Variants in LSAMP observed in about 807,000 individuals in gnomAD.
LSAMP encodes limbic system associated membrane protein.
A neutral mutation model predicts 38.6 loss-of-function variants in LSAMP; 7 were observed. The observed-to-expected ratio is 0.18, with a 90% CI of 0.10 to 0.34. The LOEUF is 0.34. LSAMP is among the 10% of genes least tolerant of loss of function. The pLI is 1.00. For missense variants in LSAMP, 313 were observed against 420.0 expected (o/e 0.75, Z 2.23); for synonymous variants, 154 against 166.8 (o/e 0.92, Z 0.59).
At chr3:116,286,576 C>T (rs1005391916) in intron 1 of LSAMP, among the ~76,000 whole-genome samples, 1 of 152,106 alleles carries the variant, frequency 6.6e-6, no homozygotes, top group Non-Finnish European at 1.5e-5. Context: ...TCCTCTAACT[C>T]ACCCTCCTCC....
chr3:116,127,490 C>T (rs761611787), intron 1 of LSAMP, among the ~76,000 whole-genome samples: 3 of 152,062 alleles, frequency 2.0e-5, no homozygotes, highest in Non-Finnish European at 4.4e-5. Flanking sequence ...AAGATAAACA[C>T]ATTTTCAAAA....
chr3:116,133,232 C>T (rs1709173351), intron 1 of LSAMP, among the ~76,000 whole-genome samples: 1 of 152,008 alleles, frequency 6.6e-6, no homozygotes, highest in African/African-American at 2.4e-5. Context: ...GAATCTCTTT[C>T]CACATTTACT....
chr3:115,893,740 T>C (rs1936660285), intron 3 of LSAMP, among the ~76,000 whole-genome samples: 1 of 152,064 alleles, frequency 6.6e-6, no homozygotes, highest in Non-Finnish European at 1.5e-5. Context: ...CATAAAATGA[T>C]GGTAACATTC....
chr3:115,822,658 C>A (rs113793938), intron 6 of LSAMP, among the ~76,000 whole-genome samples: 2 of 152,114 alleles, frequency 1.3e-5, no homozygotes, highest in African/African-American at 2.4e-5. Flanking sequence ...CTGCCCCCGG[C>A]CTTCCTATTT....
chr3:116,160,851 T>C (rs1709871951), intron 1 of LSAMP, among the ~76,000 whole-genome samples: 1 of 152,204 alleles, frequency 6.6e-6, no homozygotes, highest in Non-Finnish European at 1.5e-5. Flanking sequence ...TCTGATTTAG[T>C]AGGTCTTGAA....
At chr3:115,910,268 C>G (rs1441121848) in intron 3 of LSAMP, among the ~76,000 whole-genome samples, 1 of 152,150 alleles carries the variant, frequency 6.6e-6, no homozygotes, top group East Asian at 1.9e-4. Flanking sequence ...CAGAGTTATG[C>G]AAATATTTGC....
chr3:116,178,945 T>C (rs1270051531), intron 1 of LSAMP, among the ~76,000 whole-genome samples: 1 of 152,072 alleles, frequency 6.6e-6, no homozygotes, highest in Non-Finnish European at 1.5e-5. Context: ...TTTATCAAAT[T>C]GGGTTTTAAT....
chr3:116,327,689 G>A (rs1279134545), intron 1 of LSAMP, among the ~76,000 whole-genome samples: 1 of 152,134 alleles, frequency 6.6e-6, no homozygotes, highest in Non-Finnish European at 1.5e-5. Flanking sequence ...CTGAAAAGTT[G>A]AGTATCGGGT....
chr3:116,022,257 C>A (rs1377256793), intron 2 of LSAMP, among the ~76,000 whole-genome samples: 5 of 149,778 alleles, frequency 3.3e-5, no homozygotes, highest in African/African-American at 1.2e-4. Context: ...TTTCTTTTTT[C>A]CTGTGACATA....
chr3:116,443,481 G>A (rs1438271794), intron 1 of LSAMP, among the ~76,000 whole-genome samples: 1 of 152,006 alleles, frequency 6.6e-6, no homozygotes, highest in Non-Finnish European at 1.5e-5. Flanking sequence ...ACACACACAT[G>A]CAATGCACGG....
Position 115,903,019 on chromosome 3 carries a change from A to G in LSAMP, c.515-50402T>C, listed in dbSNP as rs1184928837. On this transcript the variant is annotated intron_variant, in intron 3 of 6. Transcript: ENST00000490035. ...CCAAAGGATTATAAATTGTTCTATC[A>G]TGAAGATACATGCACGCATATATTC... 2.6e-5 allele frequency among the ~76,000 whole-genome samples: 4 copies of G among 152,214 alleles called. No homozygotes were observed. The South Asian group carries it at 6.2e-4, about 24-fold the overall frequency.
At chr3:116,179,449 G>GTA (rs1399041680) in intron 1 of LSAMP, among the ~76,000 whole-genome samples, 1 of 152,088 alleles carries the variant, frequency 6.6e-6, no homozygotes, top group Admixed American at 6.6e-5. Context: ...GAGTGTATCA[G>GTA]TCCCTTCTCA....
intron 3 of LSAMP, among the ~76,000 whole-genome samples, chr3:116,016,375 C>T (rs147043771): frequency 3.3e-5 from 5 of 152,266 alleles, no homozygotes; most frequent in South Asian, 2.1e-4. Context: ...AGTCTGCAAA[C>T]GCAATAGAAA....
intron 6 of LSAMP, among the ~76,000 whole-genome samples, chr3:115,821,819 C>A (rs1934249793): frequency 6.6e-6 from 1 of 152,196 alleles, no homozygotes; most frequent in Non-Finnish European, 1.5e-5. Flanking sequence ...ATCATACCTG[C>A]TGCTGCTTCC....
chr3:115,860,314 G>A (rs1935637407), intron 3 of LSAMP, among the ~76,000 whole-genome samples: 1 of 152,236 alleles, frequency 6.6e-6, no homozygotes, highest in African/African-American at 2.4e-5. Context: ...AGGAAGACAT[G>A]AGCTTTGACC....
chr3:115,982,662 T>C (rs1022623362), intron 3 of LSAMP, among the ~76,000 whole-genome samples: 3 of 152,096 alleles, frequency 2.0e-5, no homozygotes, highest in Non-Finnish European at 2.9e-5. Flanking sequence ...TCTTTTCTTT[T>C]CTTTCAGTCT....
At chr3:116,146,652 A>C (rs1443255477) in intron 1 of LSAMP, among the ~76,000 whole-genome samples, 2 of 151,912 alleles carry the variant, frequency 1.3e-5, no homozygotes, top group Non-Finnish European at 2.9e-5. Context: ...AGATGTTGAG[A>C]GAAGATGTTG....
At chr3:116,375,833 A>T (rs911921087) in intron 1 of LSAMP, among the ~76,000 whole-genome samples, 7 of 151,970 alleles carry the variant, frequency 4.6e-5, no homozygotes, top group Admixed American at 4.6e-4. Context: ...TTAAGATTAA[A>T]ATCCATACAT....
chr3:116,389,623 G>A (rs1202780729), intron 1 of LSAMP, among the ~76,000 whole-genome samples: 1 of 152,118 alleles, frequency 6.6e-6, no homozygotes, highest in Non-Finnish European at 1.5e-5. Flanking sequence ...CACAGGAAAC[G>A]ATGTAGCAAG....
Sources: allele counts gnomAD v4.1 joint callset (sites outside exome capture counted in the v4.1 genomes callset), GRCh38; gene constraint gnomAD v4.1.1; transcripts MANE v1.5; gene names NCBI Gene and HGNC (gene_info 2026-07-23, HGNC 2026-07-21).